ASAP1: variants seen among roughly 807,000 people sequenced by gnomAD.
ASAP1 encodes the protein arf-GAP with SH3 domain, ANK repeat and PH domain-containing protein 1.
In ASAP1, 43 loss-of-function variants were observed where a neutral mutation model predicts 145.2. That is an observed-to-expected ratio of 0.30 (90% confidence interval 0.23 to 0.38). ASAP1 has a LOEUF of 0.38. Among genes scored for constraint, ASAP1 ranks in the 10% least tolerant of loss-of-function variants. ASAP1 has a pLI of 1.00. For missense variants in ASAP1, 1,018 were observed against 1,355.3 expected, an observed-to-expected ratio of 0.75 and a Z score of 3.91; for synonymous variants, 546 against 515.5, an observed-to-expected ratio of 1.06 and a Z score of -0.80.
intron 2 of ASAP1, among the ~76,000 whole-genome samples, chr8:130,374,500 T>A (rs1827386721): frequency 6.6e-6 from 1 of 152,254 alleles, no homozygotes; most frequent in African/African-American, 2.4e-5. Flanking sequence ...CGCACGCCTG[T>A]AATCCCAGCA....
chr8:130,123,980 T>C, intron 18 of ASAP1, 33 bp downstream of exon 18: 46 of 1,503,236 alleles, frequency 3.1e-5, no homozygotes, highest in Non-Finnish European at 4.1e-5. Flanking sequence ...TATAGAATGG[T>C]TTAAAAAAGT....
At chr8:130,064,902 TG>T in intron 27 of ASAP1, among the ~76,000 whole-genome samples, 1 of 94,148 alleles carries the variant, frequency 1.1e-5, no homozygotes, top group African/African-American at 3.5e-5. Flanking sequence ...AATGTGTGTG[TG>T]TGTGTGTGTG....
intron 3 of ASAP1, among the ~76,000 whole-genome samples, chr8:130,325,901 G>A (rs1004092899): frequency 6.6e-6 from 1 of 152,120 alleles, no homozygotes; most frequent in Non-Finnish European, 1.5e-5. Context: ...TACTAAATAT[G>A]CCAGAAACGG....
At chr8:130,297,702 T>C (rs1423643410) in intron 3 of ASAP1, among the ~76,000 whole-genome samples, 1 of 152,082 alleles carries the variant, frequency 6.6e-6, no homozygotes, top group East Asian at 1.9e-4. Flanking sequence ...TCCACTGCTG[T>C]CAGAGACAAA....
At chr8:130,364,024 C>T (rs999818153) in intron 2 of ASAP1, among the ~76,000 whole-genome samples, 1 of 152,096 alleles carries the variant, frequency 6.6e-6, no homozygotes, top group Non-Finnish European at 1.5e-5. Flanking sequence ...TGTATGAGTG[C>T]TTCCCAATTG....
At chr8:130,371,867 T>C (rs1013754629) in intron 2 of ASAP1, among the ~76,000 whole-genome samples, 77 of 152,346 alleles carry the variant, frequency 5.1e-4, no homozygotes, top group African/African-American at 1.5e-3. Flanking sequence ...TTTTTGTTTG[T>C]ACAGAGTTGA....
Position 130,187,229 on chromosome 8 carries a change from C to T in ASAP1, c.530+7G>A, listed in dbSNP as rs1227129807. ...CAAACAAAAACTCTAAACAAAAAACCACTTACAACTTTGTCTCATAATCTT... is the reference window on the plus strand; with the variant it reads ...CAAACAAAAACTCTAAACAAAAAACTACTTACAACTTTGTCTCATAATCTT... On this transcript the variant is annotated splice_region_variant and intron_variant, in intron 7 of 29. Transcript: ENST00000518721. The T allele has an allele frequency of 1.9e-6, 3 of 1,598,334 alleles. No individual in the cohort carries two copies. Among genetic ancestry groups the T allele is most frequent in the Non-Finnish European group, 2.6e-6 (3 of 1,175,170 alleles).
chr8:130,075,514 G>A (rs984725879), intron 27 of ASAP1, among the ~76,000 whole-genome samples: 6 of 152,216 alleles, frequency 3.9e-5, no homozygotes, highest in African/African-American at 1.4e-4. Flanking sequence ...AATCCAAGGA[G>A]CAGGCCCTGA....
At chr8:130,252,057 A>G (rs1170205024) in intron 3 of ASAP1, among the ~76,000 whole-genome samples, 2 of 152,178 alleles carry the variant, frequency 1.3e-5, no homozygotes, top group Non-Finnish European at 2.9e-5. Context: ...GTTCTAAATC[A>G]TCATTAGCAG....
chr8:130,190,945 G>A (rs552628022), intron 5 of ASAP1, among the ~76,000 whole-genome samples: 2 of 152,210 alleles, frequency 1.3e-5, no homozygotes, highest in South Asian at 4.1e-4. Context: ...TAACCTCGAT[G>A]GGGACAGGGA....
chr8:130,222,364 A>C (rs566246901), intron 4 of ASAP1, among the ~76,000 whole-genome samples: 1 of 152,226 alleles, frequency 6.6e-6, no homozygotes, highest in Admixed American at 6.5e-5. Context: ...TATGGCTGCT[A>C]CTTATTAAGC....
chr8:130,239,226 T>C (rs1372448725), intron 3 of ASAP1, among the ~76,000 whole-genome samples: 2 of 152,082 alleles, frequency 1.3e-5, no homozygotes, highest in East Asian at 3.9e-4. Flanking sequence ...AAATTTTGTA[T>C]TACTGAAAAG....
chr8:130,067,440 G>C (rs937844947), intron 27 of ASAP1, among the ~76,000 whole-genome samples: 2 of 152,168 alleles, frequency 1.3e-5, no homozygotes, highest in African/African-American at 4.8e-5. Context: ...CTGTCACCTA[G>C]GCTGGAGTGC....
At chr8:130,181,016 C>A in intron 7 of ASAP1, 136 bp from the exon 8 acceptor site, 2 of 699,128 alleles carry the variant, frequency 2.9e-6, no homozygotes, top group Non-Finnish European at 4.4e-6. Flanking sequence ...ATCAATTGTA[C>A]CACTCTGGTG....
chr8:130,220,263 T>C (rs1817210157), intron 4 of ASAP1, among the ~76,000 whole-genome samples: 1 of 152,224 alleles, frequency 6.6e-6, no homozygotes, highest in Non-Finnish European at 1.5e-5. Flanking sequence ...ATCACTGATT[T>C]ACTACTCTAG....
intron 24 of ASAP1, among the ~76,000 whole-genome samples, chr8:130,107,654 T>A (rs2097539724): frequency 6.6e-6 from 1 of 151,942 alleles, no homozygotes; most frequent in Non-Finnish European, 1.5e-5. Context: ...TTCAAGCAAT[T>A]CTCCTGCCTC....
chr8:130,125,926 C>A lies in ASAP1; in HGVS notation c.1515+30G>T, dbSNP rs777190964. 5.7e-6 allele frequency: 9 copies of A among 1,579,764 alleles called. No individual in the cohort carries two copies. The East Asian group carries it at 6.8e-5, about 12-fold the overall frequency. ...TTAAAATTACTCATGACAATAATAT[C>A]ATTCTTCCCAAGTACAGGTCACTAC... On this transcript the variant is annotated intron_variant, in intron 17 of 29. Transcript: ENST00000518721.
At chr8:130,122,072 C>G (rs969189990) in intron 18 of ASAP1, among the ~76,000 whole-genome samples, 1 of 152,126 alleles carries the variant, frequency 6.6e-6, no homozygotes, top group Non-Finnish European at 1.5e-5. Flanking sequence ...CTGCTTCCCC[C>G]CAGGGAGGGT....
chr8:130,382,284 T>TC (rs1827811934), intron 2 of ASAP1, among the ~76,000 whole-genome samples: 1 of 31,794 alleles, frequency 3.1e-5, no homozygotes, highest in Non-Finnish European at 5.2e-5. Context: ...AGATTCTGTC[T>TC]CAAAAAAAAA....
Sources: allele counts gnomAD v4.1 joint callset (sites outside exome capture counted in the v4.1 genomes callset), GRCh38; gene constraint gnomAD v4.1.1; transcripts MANE v1.5; gene names NCBI Gene and HGNC (gene_info 2026-07-23, HGNC 2026-07-21).